The following C2orf49 variants were observed in gnomAD, a reference collection of about 807,000 sequenced individuals.
The protein encoded by C2orf49 is tRNA splicing ligase complex subunit 2.
A neutral mutation model predicts 20.6 loss-of-function variants in C2orf49; 11 were observed. The ratio of observed to expected loss-of-function variants is 0.53; its 90% CI spans 0.34 to 0.88. C2orf49 has a LOEUF of 0.88. Ranked by LOEUF, C2orf49 falls within the 40% of genes least tolerant of loss-of-function variation. The pLI is 0.02. For missense variants in C2orf49, 289 were observed against 274.2 expected (o/e 1.05, Z -0.38); for synonymous variants, 134 against 108.5 (o/e 1.24, Z -1.46).
chr2:105,385,485 A>C, the C2orf49 span, among the ~76,000 whole-genome samples: 3 of 152,348 alleles, frequency 2.0e-5, no homozygotes, highest in South Asian at 6.2e-4. Context: ...AGCAGAAAAG[A>C]GATAGTAAAA....
intron 2 of C2orf49, among the ~76,000 whole-genome samples, chr2:105,342,479 C>T (rs1301100804): frequency 6.6e-6 from 1 of 152,136 alleles, no homozygotes; most frequent in Non-Finnish European, 1.5e-5. Flanking sequence ...AGTTTATCAT[C>T]CTTTTAAAAT....
rs937013870 is a variant in C2orf49 at position 105,349,062 on chromosome 2, A to G, written c.*3691A>G. ...GAAGTCTCTGAACTTCCCATGTAAT[A>G]TTAAAGCTCTTAACAAAATGAGACA... On this transcript the variant is annotated 3_prime_UTR_variant, in exon 4 of 4. Transcript: ENST00000258457. 2 of 152,226 alleles carry G rather than the reference A, an allele frequency of 1.3e-5. No individual in the cohort carries two copies. The highest frequency in any genetic ancestry group is 2.9e-5 in the Non-Finnish European group (2 of 68,046). 9.4% of individuals were successfully genotyped at this position (152,226 alleles called of 1,614,324 possible). A position where few individuals can be genotyped will look rare whatever the true frequency, so the allele number is the denominator to read the frequency against.
At chr2:105,354,959 A>G in the C2orf49 span, among the ~76,000 whole-genome samples, 1 of 152,226 alleles carries the variant, frequency 6.6e-6, no homozygotes, top group Non-Finnish European at 1.5e-5. Context: ...CAAACATAAA[A>G]GCACAGAAGA....
the C2orf49 span, chr2:105,361,325 C>G: frequency 6.8e-6 from 11 of 1,614,154 alleles, no homozygotes; most frequent in Non-Finnish European, 9.3e-6. Flanking sequence ...TGTCGTCCCT[C>G]TCTGTGAGGA....
downstream of C2orf49, among the ~76,000 whole-genome samples, chr2:105,353,421 T>C (rs1360537837): frequency 6.6e-6 from 1 of 152,176 alleles, no homozygotes; most frequent in Non-Finnish European, 1.5e-5. Flanking sequence ...TTTTTTTTTC[T>C]TTTTCACTGA....
At chr2:105,339,504 T>A (rs762756032) in intron 1 of C2orf49, 79 bp from the exon 2 acceptor site, 1 of 1,345,144 alleles carries the variant, frequency 7.4e-7, no homozygotes, top group Non-Finnish European at 1.0e-6. Context: ...GCAGTAATGT[T>A]TTACCATGTT....
intron 3 of C2orf49, among the ~76,000 whole-genome samples, chr2:105,344,775 AG>A (rs1679769603): frequency 6.6e-6 from 1 of 151,570 alleles, no homozygotes; most frequent in Non-Finnish European, 1.5e-5. Flanking sequence ...TTGTAGAGAC[AG>A]GGTTTCACCA....
chr2:105,381,628 A>G, the C2orf49 span, among the ~76,000 whole-genome samples: 1 of 152,084 alleles, frequency 6.6e-6, no homozygotes, highest in Non-Finnish European at 1.5e-5. Context: ...ATCCATCCAG[A>G]CAGCTTTGCT....
the C2orf49 span, among the ~76,000 whole-genome samples, chr2:105,356,695 T>A: frequency 3.9e-5 from 6 of 152,210 alleles, no homozygotes; most frequent in South Asian, 4.1e-4. Flanking sequence ...CTGTTGACAT[T>A]TGCTTTGTGT....
rs1679797427 is a variant in C2orf49, at chr2:105,345,873, G to C, written c.*502G>C. The C allele has an allele frequency of 6.5e-6, 1 of 152,844 alleles. No individual in the cohort carries two copies. Among genetic ancestry groups the C allele is most frequent in the Non-Finnish European group, 1.5e-5 (1 of 68,700 alleles). The allele number at this position is 152,844 out of a possible 1,614,324, so 9.5% of individuals were successfully genotyped here. On this transcript the variant is annotated 3_prime_UTR_variant, in exon 4 of 4. Coordinates refer to ENST00000258457, the MANE Select transcript of C2orf49 (RefSeq NM_024093.3). ...AGCTATTCAGGAGGCTGAGACAGGA[G>C]AATCGCTTGAACCTGAGAGGCGGAG...
downstream of C2orf49, among the ~76,000 whole-genome samples, chr2:105,353,726 T>C (rs1296266245): frequency 6.6e-6 from 1 of 152,230 alleles, no homozygotes; most frequent in African/African-American, 2.4e-5. Flanking sequence ...TTTCTAGAAT[T>C]AACCTTATCC....
intron 2 of C2orf49, among the ~76,000 whole-genome samples, chr2:105,340,020 T>A (rs961124299): frequency 6.6e-6 from 1 of 152,160 alleles, no homozygotes; most frequent in Non-Finnish European, 1.5e-5. Context: ...TGGTAAATTA[T>A]CCAGGAAGAT....
At chr2:105,338,412 TTTA>T (rs1400833542) in intron 1 of C2orf49, among the ~76,000 whole-genome samples, 35 of 152,310 alleles carry the variant, frequency 2.3e-4, no homozygotes, top group African/African-American at 7.7e-4. Context: ...TCAGTAAGTT[TTTA>T]CCTGTGGTTC....
At chr2:105,379,044 G>A in the C2orf49 span, among the ~76,000 whole-genome samples, 1 of 152,268 alleles carries the variant, frequency 6.6e-6, no homozygotes, top group East Asian at 1.9e-4. Context: ...GATCCCAGGA[G>A]CACGTGATTA....
chr2:105,353,475 T>C (rs1679985027), downstream of C2orf49, among the ~76,000 whole-genome samples: 1 of 152,210 alleles, frequency 6.6e-6, no homozygotes, highest in Non-Finnish European at 1.5e-5. Flanking sequence ...CCTGGACATT[T>C]CCATCTCAGT....
chr2:105,359,388 C>A, the C2orf49 span: 2 of 152,154 alleles, frequency 1.3e-5, no homozygotes, highest in Non-Finnish European at 2.9e-5. Flanking sequence ...AACTATAAAA[C>A]CAAAAGACTC....
chr2:105,384,437 A>G, the C2orf49 span, among the ~76,000 whole-genome samples: 1 of 152,204 alleles, frequency 6.6e-6, no homozygotes, highest in Admixed American at 6.5e-5. Context: ...GAAGAGTACG[A>G]GTGCGAGTGC....
chr2:105,344,724 C>T (rs369581264), intron 3 of C2orf49, among the ~76,000 whole-genome samples: 51 of 151,734 alleles, frequency 3.4e-4, no homozygotes, highest in African/African-American at 9.7e-4. Context: ...GGATTATAGG[C>T]GCCTGCCACC....
chr2:105,344,756 T>A (rs1392712035), intron 3 of C2orf49, among the ~76,000 whole-genome samples: 1 of 151,934 alleles, frequency 6.6e-6, no homozygotes, highest in Non-Finnish European at 1.5e-5. Context: ...ATTTTTTTTT[T>A]TTTTATTTTT....
Sources: allele counts gnomAD v4.1 joint callset (sites outside exome capture counted in the v4.1 genomes callset), GRCh38; gene constraint gnomAD v4.1.1; transcripts MANE v1.5; gene names NCBI Gene and HGNC (gene_info 2026-07-23, HGNC 2026-07-21).